The following UNC13C variants were observed in gnomAD, a reference collection of about 807,000 sequenced individuals.
UNC13C encodes unc-13 homolog C.
A neutral mutation model predicts 245.4 loss-of-function variants in UNC13C; 174 were observed. The observed-to-expected ratio is 0.71, with a 90% CI of 0.63 to 0.80. The LOEUF is 0.80. Among genes scored for constraint, UNC13C ranks in the 30% least tolerant of loss-of-function variants. The pLI is 0.00. For synonymous variants in UNC13C, 992 were observed against 895.1 expected, an observed-to-expected ratio of 1.11 and a Z score of -1.93; for missense variants, 2,829 against 2,602.9, an observed-to-expected ratio of 1.09 and a Z score of -1.89.
At chr15:54,236,463 A>T in intron 6 of UNC13C, 28 bp downstream of exon 6, 1 of 1,584,028 alleles carries the variant, frequency 6.3e-7, no homozygotes, top group Non-Finnish European at 8.6e-7. Context: ...TATTTAATTA[A>T]TATTTTGCAG....
chr15:53,874,762 C>T, the UNC13C span, among the ~76,000 whole-genome samples: 1 of 152,166 alleles, frequency 6.6e-6, no homozygotes, highest in African/African-American at 2.4e-5. Flanking sequence ...TTGGCACTTC[C>T]ACATATACTT....
chr15:54,577,248 T>C (rs930521651), intron 30 of UNC13C, among the ~76,000 whole-genome samples: 7 of 152,186 alleles, frequency 4.6e-5, no homozygotes, highest in Non-Finnish European at 1.0e-4. Context: ...TTATTCAGTC[T>C]GTTACATGAA....
At chr15:54,426,041 T>G (rs1323660785) in intron 19 of UNC13C, among the ~76,000 whole-genome samples, 1 of 151,714 alleles carries the variant, frequency 6.6e-6, no homozygotes, top group Non-Finnish European at 1.5e-5. Context: ...ATGACTCTCC[T>G]GCCTCCCTCT....
intron 26 of UNC13C, among the ~76,000 whole-genome samples, chr15:54,545,771 A>G (rs1053420726): frequency 6.6e-6 from 1 of 152,224 alleles, no homozygotes; most frequent in Non-Finnish European, 1.5e-5. Flanking sequence ...AACCACAGTG[A>G]GATACCATCT....
At chr15:54,256,274 G>A (rs184124260) in intron 8 of UNC13C, among the ~76,000 whole-genome samples, 13 of 152,226 alleles carry the variant, frequency 8.5e-5, no homozygotes, top group Admixed American at 3.9e-4. Flanking sequence ...AGGGCATCTC[G>A]GCAAGATCGT....
chr15:54,335,990 G>A (rs1369168679), intron 16 of UNC13C, among the ~76,000 whole-genome samples: 5 of 151,736 alleles, frequency 3.3e-5, no homozygotes, highest in East Asian at 3.9e-4. Context: ...TAGAAGTGAC[G>A]TTGCATTATC....
upstream of UNC13C, among the ~76,000 whole-genome samples, chr15:53,975,366 A>G (rs1046517231): frequency 6.6e-6 from 1 of 152,208 alleles, no homozygotes; most frequent in Non-Finnish European, 1.5e-5. Flanking sequence ...TTTTCTCCGT[A>G]ATTATCTGGA....
intron 2 of UNC13C, among the ~76,000 whole-genome samples, chr15:54,117,417 T>C (rs2030329553): frequency 6.6e-6 from 1 of 152,176 alleles, no homozygotes; most frequent in African/African-American, 2.4e-5. Context: ...AGGCCTTAGA[T>C]TAAAGCCTTT....
intron 30 of UNC13C, among the ~76,000 whole-genome samples, chr15:54,598,761 A>ATGTAAG (rs1566931855): frequency 6.6e-6 from 1 of 152,146 alleles, no homozygotes; most frequent in African/African-American, 2.4e-5. Flanking sequence ...ACTTGAAGCA[A>ATGTAAG]AAAGATTAAG....
At chr15:54,055,323 T>A (rs189415749) in intron 2 of UNC13C, among the ~76,000 whole-genome samples, 3 of 152,328 alleles carry the variant, frequency 2.0e-5, no homozygotes, top group Non-Finnish European at 2.9e-5. Flanking sequence ...ATATCATTAG[T>A]CTTGTCTTCT....
intron 30 of UNC13C, among the ~76,000 whole-genome samples, chr15:54,599,093 AT>A (rs1445363130): frequency 6.6e-6 from 1 of 152,152 alleles, no homozygotes; most frequent in Non-Finnish European, 1.5e-5. Flanking sequence ...ATATATCCAT[AT>A]TCATGATATT....
intron 4 of UNC13C, among the ~76,000 whole-genome samples, chr15:54,209,324 T>C (rs897344466): frequency 6.6e-6 from 1 of 152,132 alleles, no homozygotes. Context: ...TATACTCCAG[T>C]TATAAACTAA....
the UNC13C span, among the ~76,000 whole-genome samples, chr15:53,907,049 G>A: frequency 6.6e-6 from 1 of 151,988 alleles, no homozygotes. Context: ...AGTTGGGTGG[G>A]GACACAGATC....
At position 54,013,384 on chromosome 15, in the gene UNC13C, G is replaced by C; in HGVS notation, c.481G>C (p.Ala161Pro). ...RRNRKSSSSL[A>P]PSEGSSDGER... Reference sequence around the variant, plus strand: ...CAACAGAAAGAGTTCAAGCAGCCTTGCACCCTCTGAGGGCAGCTCTGACGG... The same window carrying C: ...CAACAGAAAGAGTTCAAGCAGCCTTCCACCCTCTGAGGGCAGCTCTGACGG... The change falls in exon 2 of 33, where the codon GCA becomes CCA. Residue 161 changes from alanine to proline, a missense_variant. Coordinates refer to ENST00000260323, the MANE Select transcript of UNC13C (RefSeq NM_001080534.3). 3 of 1,613,848 alleles carry C rather than the reference G, an allele frequency of 1.9e-6. No homozygotes were observed. Among genetic ancestry groups the C allele is most frequent in the Non-Finnish European group, 2.5e-6 (3 of 1,179,866 alleles).
chr15:54,288,783 G>A (rs940747101), intron 10 of UNC13C, among the ~76,000 whole-genome samples: 1 of 152,002 alleles, frequency 6.6e-6, no homozygotes, highest in Admixed American at 6.6e-5. Context: ...TCCAGGAGAC[G>A]GGCTCTAAGA....
chr15:53,897,805 A>G, the UNC13C span, among the ~76,000 whole-genome samples: 146 of 152,312 alleles, frequency 9.6e-4, 1 homozygote, highest in African/African-American at 3.4e-3. Flanking sequence ...ATGTGCTGTA[A>G]TTTAAAAAAT....
At chr15:54,339,557 A>C (rs901725297) in intron 17 of UNC13C, among the ~76,000 whole-genome samples, 11 of 152,126 alleles carry the variant, frequency 7.2e-5, no homozygotes, top group Non-Finnish European at 1.3e-4. Flanking sequence ...TTAGAATAAT[A>C]GTCTTCAGTT....
At chr15:54,239,987 T>C (rs1328504380) in intron 7 of UNC13C, among the ~76,000 whole-genome samples, 1 of 152,238 alleles carries the variant, frequency 6.6e-6, no homozygotes, top group Non-Finnish European at 1.5e-5. Context: ...GAACTATGAA[T>C]ACCAATTCAT....
chr15:53,873,851 A>AT, the UNC13C span, among the ~76,000 whole-genome samples: 1 of 29,366 alleles, frequency 3.4e-5, no homozygotes, highest in Non-Finnish European at 8.2e-5. Context: ...ACCAGCATCT[A>AT]TCCCTCTCTC....
Sources: allele counts gnomAD v4.1 joint callset (sites outside exome capture counted in the v4.1 genomes callset), GRCh38; gene constraint gnomAD v4.1.1; transcripts MANE v1.5; gene names NCBI Gene and HGNC (gene_info 2026-07-23, HGNC 2026-07-21).